The following HEXB variants were observed in gnomAD, a reference collection of about 807,000 sequenced individuals.
The protein encoded by HEXB is beta-hexosaminidase subunit beta.
Under a neutral mutation model 71.2 loss-of-function variants are expected in HEXB, and 51 were observed. The ratio of observed to expected loss-of-function variants is 0.72; its 90% CI spans 0.57 to 0.90. HEXB has a LOEUF of 0.90. Among genes scored for constraint, HEXB ranks in the 40% least tolerant of loss-of-function variants. The pLI, the probability that HEXB is intolerant of heterozygous loss-of-function variation, is 0.00. For missense variants in HEXB, 617 were observed against 677.0 expected, an observed-to-expected ratio of 0.91 and a Z score of 0.98; for synonymous variants, 266 against 249.3, an observed-to-expected ratio of 1.07 and a Z score of -0.63.
chr5:74,678,113 A>G (rs1290643934), intron 1 of HEXB, among the ~76,000 whole-genome samples: 1 of 152,076 alleles, frequency 6.6e-6, no homozygotes, highest in Non-Finnish European at 1.5e-5. Flanking sequence ...CCTGGCCAAC[A>G]TGGTGAAACC....
At chr5:74,683,194 G>T (rs1748770880), upstream of HEXB, among the ~76,000 whole-genome samples, 1 of 152,166 alleles carries the variant, frequency 6.6e-6, no homozygotes, top group African/African-American at 2.4e-5. Flanking sequence ...GACAAGGTAG[G>T]TCAGAGAACC....
At chr5:74,695,425 G>A (rs1449591372) in intron 3 of HEXB, among the ~76,000 whole-genome samples, 3 of 150,722 alleles carry the variant, frequency 2.0e-5, no homozygotes, top group Admixed American at 1.3e-4. Context: ...GGATGGTCTC[G>A]ATCTCCTGAC....
chr5:74,680,709 C>G (rs1368469219), upstream of HEXB, among the ~76,000 whole-genome samples: 1 of 152,232 alleles, frequency 6.6e-6, no homozygotes, highest in Admixed American at 6.5e-5. Context: ...AGCAGGTACA[C>G]ATGTTAGGAT....
chr5:74,679,826 GT>G (rs1748706227), intron 1 of HEXB, among the ~76,000 whole-genome samples: 1 of 57,250 alleles, frequency 1.7e-5, no homozygotes, highest in Non-Finnish European at 4.4e-5. Context: ...AAAAAAAAAA[GT>G]ATGGCTTTCA....
intron 1 of HEXB, among the ~76,000 whole-genome samples, chr5:74,653,604 C>T (rs568525321): frequency 6.6e-6 from 1 of 152,096 alleles, no homozygotes; most frequent in Admixed American, 6.6e-5. Flanking sequence ...TATAGATTTA[C>T]AGTTTGCTAA....
Position 74,677,487 on chromosome 5 carries a change from CTTCT to C in HEXB, c.-376-11838_-376-11835del, listed in dbSNP as rs1561210611. Among the ~76,000 whole-genome samples the C allele has an allele frequency of 4.6e-5, 6 of 129,974 alleles. No homozygotes were observed. The South Asian group carries it at 1.5e-3, about 32-fold the overall frequency. The allele number at this position is 129,974 out of a possible 152,430, so 85.3% of individuals were successfully genotyped here. A position where few individuals can be genotyped will look rare whatever the true frequency, so the allele number is the denominator to read the frequency against. Reference sequence around the variant, plus strand: ...AACAGTTTGCATTTCTTTTCTTCTTCTTCTTTTTTTTTTTTTTTTTTTTTTTGGT... The same window carrying C: ...AACAGTTTGCATTTCTTTTCTTCTTCTTTTTTTTTTTTTTTTTTTTTTGGT... On this transcript the variant is annotated intron_variant, in intron 1 of 13. Coordinates refer to the HEXB transcript ENST00000511181.
intron 7 of HEXB, 72 bp downstream of exon 7, chr5:74,713,707 A>G: frequency 7.8e-7 from 1 of 1,274,320 alleles, no homozygotes; most frequent in African/African-American, 1.5e-5. Flanking sequence ...TCTGTCACCC[A>G]GGCTGGAGTG....
At chr5:74,681,157 GATA>G (rs1384975255), upstream of HEXB, among the ~76,000 whole-genome samples, 2 of 152,216 alleles carry the variant, frequency 1.3e-5, no homozygotes, top group African/African-American at 4.8e-5. Context: ...ATAAGAGGAT[GATA>G]ATAATATGTC....
intron 7 of HEXB, among the ~76,000 whole-genome samples, chr5:74,714,338 G>A (rs1164443095): frequency 6.6e-6 from 1 of 152,170 alleles, no homozygotes; most frequent in Non-Finnish European, 1.5e-5. Flanking sequence ...AAAAGGGAAT[G>A]AAAGAAAACA....
intron 1 of HEXB, among the ~76,000 whole-genome samples, chr5:74,648,036 A>G (rs1229665823): frequency 1.3e-5 from 2 of 152,254 alleles, no homozygotes; most frequent in Non-Finnish European, 2.9e-5. Context: ...AAGAGAACCC[A>G]TGTTTAGGCT....
intron 5 of HEXB, among the ~76,000 whole-genome samples, chr5:74,704,802 T>C (rs553186339): frequency 6.6e-6 from 1 of 152,300 alleles, no homozygotes; most frequent in African/African-American, 2.4e-5. Context: ...TGCTGAAAGA[T>C]AAATTTTAGC....
chr5:74,704,370 G>T (rs820829), intron 5 of HEXB, among the ~76,000 whole-genome samples: 83,711 of 151,706 alleles, frequency 0.55, 23,753 homozygotes, highest in East Asian at 0.73. Flanking sequence ...CTCCCTTATT[G>T]TTTTTCATCT....
At chr5:74,693,334 A>G in intron 2 of HEXB, 1 of 450,268 alleles carries the variant, frequency 2.2e-6, no homozygotes, top group Non-Finnish European at 4.1e-6. Context: ...TTGACACCCA[A>G]ATTCCCGTTC....
At chr5:74,661,513 CTGTGTGTGTG>C (rs1179218651) in intron 1 of HEXB, among the ~76,000 whole-genome samples, 1,368 of 84,880 alleles carry the variant, frequency 0.016, 11 homozygotes, top group Non-Finnish European at 0.027. Flanking sequence ...TTCTCTCTCT[CTGTGTGTGTG>C]TGTGTGTGTG....
intron 1 of HEXB, among the ~76,000 whole-genome samples, chr5:74,686,105 C>T (rs1179447003): frequency 6.6e-6 from 1 of 151,812 alleles, no homozygotes; most frequent in Non-Finnish European, 1.5e-5. Context: ...TAAAATGTGA[C>T]ATGTTTGCAT....
chr5:74,641,766 C>G lies in HEXB; in HGVS notation c.-377+1208C>G, dbSNP rs1453573476. Among the ~76,000 whole-genome samples, 1 of 152,192 alleles carries G rather than the reference C, an allele frequency of 6.6e-6. No homozygotes were observed. Among genetic ancestry groups the G allele is most frequent in the African/African-American group, 2.4e-5 (1 of 41,440 alleles). On this transcript the variant is annotated intron_variant, in intron 1 of 13. Transcript: ENST00000511181. This position sits in a 1 kb window ranked among gnomAD's most constrained non-coding sequence, Gnocchi z 4.1. The stretch of plus-strand genomic sequence containing the variant: ...TTGCAACTAGAGGCTTGTCTTTCCA[C>G]TGGGAGTTAAAATATCTGTCTTTTA...
chr5:74,695,790 G>A (rs1027776350), intron 3 of HEXB, among the ~76,000 whole-genome samples: 11 of 148,130 alleles, frequency 7.4e-5, no homozygotes, highest in Admixed American at 2.0e-4. Flanking sequence ...ACAATGAGCC[G>A]AGATCGCGCC....
chr5:74,704,730 A>G (rs1749341116), intron 5 of HEXB, among the ~76,000 whole-genome samples: 1 of 152,236 alleles, frequency 6.6e-6, no homozygotes, highest in African/African-American at 2.4e-5. Flanking sequence ...GGCTTTTTGT[A>G]TACTGATGTG....
At chr5:74,705,833 T>G (rs1377964087) in intron 6 of HEXB, 2 of 170,252 alleles carry the variant, frequency 1.2e-5, no homozygotes, top group African/African-American at 4.8e-5. Flanking sequence ...GTCCCCTAGT[T>G]TAATACCCCT....
Sources: gnomAD v4.1 joint callset for allele counts (sites outside exome capture counted in the v4.1 genomes callset) on GRCh38, gnomAD v4.1.1 for gene constraint, Gnocchi (gnomAD v3.1) non-coding constraint, MANE v1.5 for transcripts, NCBI Gene and HGNC (gene_info 2026-07-23, HGNC 2026-07-21) for gene names.